The following KIF5C variants were observed in gnomAD, a reference collection of about 807,000 sequenced individuals.
KIF5C encodes kinesin heavy chain isoform 5C.
Under a neutral mutation model 125.2 loss-of-function variants are expected in KIF5C, and 18 were observed. That is an observed-to-expected ratio of 0.14 (90% CI 0.10 to 0.21). The LOEUF is 0.21. Among genes scored for constraint, KIF5C ranks in the 10% least tolerant of loss-of-function variants. KIF5C has a pLI of 1.00. For missense variants in KIF5C, 780 were observed against 1,183.8 expected (o/e 0.66, Z 5.01); for synonymous variants, 405 against 434.0 (o/e 0.93, Z 0.83).
Position 148,922,315 on chromosome 2 carries a change from T to C in KIF5C, c.217+88T>C, listed in dbSNP as rs1013432528. 3.7e-6 allele frequency: 3 copies of C among 819,636 alleles called. No homozygotes were observed. The Admixed American group carries it at 7.8e-5, about 21-fold the overall frequency. 50.8% of individuals were successfully genotyped at this position (819,636 alleles called of 1,614,324 possible). ...TTTGCAGCCTAGGAATCAATGTGCC[T>C]TGACTGTAAGCAGAGGCCTGCTAAT... is the stretch of plus-strand genomic sequence containing the variant. On this transcript the variant is annotated intron_variant, in intron 2 of 25. Transcript: ENST00000435030.
At chr2:148,940,538 G>A (rs556941590) in intron 4 of KIF5C, among the ~76,000 whole-genome samples, 2 of 152,302 alleles carry the variant, frequency 1.3e-5, no homozygotes, top group African/African-American at 4.8e-5. Flanking sequence ...TGCTGGGTTA[G>A]AGTCTTTGCT....
chr2:148,914,599 A>T (rs1262178536), intron 1 of KIF5C, among the ~76,000 whole-genome samples: 3 of 152,210 alleles, frequency 2.0e-5, no homozygotes, highest in Admixed American at 6.5e-5. Flanking sequence ...CCTTCTCAAT[A>T]CGTGAAGTGG....
At chr2:149,017,580 A>G (rs1425864139) in intron 25 of KIF5C, among the ~76,000 whole-genome samples, 2 of 152,190 alleles carry the variant, frequency 1.3e-5, no homozygotes, top group Admixed American at 1.3e-4. Context: ...TCTCCACCAG[A>G]TGGCGCCAGT....
intron 1 of KIF5C, among the ~76,000 whole-genome samples, chr2:148,883,360 G>T (rs535358680): frequency 1.7e-4 from 26 of 152,218 alleles, no homozygotes; most frequent in African/African-American, 5.3e-4. Flanking sequence ...AATTAGCCAG[G>T]CATGGTGGCG....
At chr2:148,927,490 G>A (rs1297671637) in intron 2 of KIF5C, among the ~76,000 whole-genome samples, 1 of 150,486 alleles carries the variant, frequency 6.6e-6, no homozygotes, top group Non-Finnish European at 1.5e-5. Flanking sequence ...TTCAGGGTGT[G>A]TGTGTGTGTG....
intron 1 of KIF5C, among the ~76,000 whole-genome samples, chr2:148,893,502 G>C (rs548908878): frequency 6.6e-6 from 1 of 152,102 alleles, no homozygotes; most frequent in Non-Finnish European, 1.5e-5. Context: ...ACGTTCACTC[G>C]TCCAAGCCTT....
chr2:149,013,414 G>A (rs984997132), intron 25 of KIF5C, among the ~76,000 whole-genome samples: 1 of 152,192 alleles, frequency 6.6e-6, no homozygotes, highest in Non-Finnish European at 1.5e-5. Context: ...CCCATGCAAT[G>A]CTGATGCCTC....
At chr2:148,944,260 C>A (rs1271197051) in intron 7 of KIF5C, among the ~76,000 whole-genome samples, 1 of 152,172 alleles carries the variant, frequency 6.6e-6, no homozygotes, top group Non-Finnish European at 1.5e-5. Flanking sequence ...AATGTCACCA[C>A]CTTCCATCTC....
chr2:149,018,845 CAAAA>C (rs910753313), intron 25 of KIF5C, among the ~76,000 whole-genome samples: 4 of 150,138 alleles, frequency 2.7e-5, no homozygotes, highest in Middle Eastern at 3.2e-3. Flanking sequence ...AAAAAACAAA[CAAAA>C]AAGGATCAAT....
intron 25 of KIF5C, among the ~76,000 whole-genome samples, chr2:149,021,512 A>G (rs1342719498): frequency 1.3e-5 from 2 of 150,886 alleles, no homozygotes; most frequent in African/African-American, 4.9e-5. Context: ...TTTTCTATTT[A>G]TATGTAACTT....
At chr2:148,878,992 A>C (rs868507426) in intron 1 of KIF5C, 1 of 152,070 alleles carries the variant, frequency 6.6e-6, no homozygotes, top group African/African-American at 2.4e-5. Context: ...TTACAGGTGG[A>C]GTTTCTAGAT....
At chr2:148,927,162 C>T (rs1373510373) in intron 2 of KIF5C, among the ~76,000 whole-genome samples, 3 of 152,176 alleles carry the variant, frequency 2.0e-5, no homozygotes, top group African/African-American at 4.8e-5. Flanking sequence ...GTTTCATGAG[C>T]AGCGATGGAG....
chr2:149,020,418 C>T (rs1384280273), intron 25 of KIF5C: 2 of 152,234 alleles, frequency 1.3e-5, no homozygotes, highest in East Asian at 1.9e-4. Flanking sequence ...TCCTTTGTGG[C>T]CCCGTGTTTC....
intron 12 of KIF5C, among the ~76,000 whole-genome samples, chr2:148,975,859 A>T (rs1681048292): frequency 6.6e-6 from 1 of 152,204 alleles, no homozygotes; most frequent in East Asian, 1.9e-4. Flanking sequence ...CTGTTAATTC[A>T]AAAGGCTGTG....
At position 148,998,811 on chromosome 2, in the gene KIF5C, A is replaced by G. The variant is rs57053845; in HGVS notation, c.2210+302A>G. ...ACGCATGCCCCAGTAGATGGGGGGGAGCATCTGTAATGAAAGCACCAAAAA... is the reference window on the plus strand; with the variant it reads ...ACGCATGCCCCAGTAGATGGGGGGGGGCATCTGTAATGAAAGCACCAAAAA... On this transcript the variant is annotated intron_variant, in intron 19 of 25. Coordinates refer to ENST00000435030, the MANE Select transcript of KIF5C (RefSeq NM_004522.3). 0.44 allele frequency: 73,353 copies of G among 165,248 alleles called. 18,801 individuals carry two copies. Among genetic ancestry groups the G allele is most frequent in the South Asian group, 0.57 (2,648 of 4,672 alleles). The allele number at this position is 165,248 out of a possible 1,614,324, so 10.2% of individuals were successfully genotyped here.
chr2:149,024,528 G>C lies in KIF5C; in HGVS notation c.*1458G>C, dbSNP rs1429897509. 7.0e-6 allele frequency: 1 copy of C among 143,228 alleles called. No individual in the cohort carries two copies. Among genetic ancestry groups the C allele is most frequent in the African/African-American group, 2.8e-5 (1 of 35,730 alleles). 8.9% of individuals were successfully genotyped at this position (143,228 alleles called of 1,614,324 possible). A position where few individuals can be genotyped will look rare whatever the true frequency, so the allele number is the denominator to read the frequency against. ...GAAGGTAGCTCAAGTGTGTGTGTGT[G>C]TGTGTGTGTGTGTGTGTGTGTGTGT... On this transcript the variant is annotated 3_prime_UTR_variant, in exon 26 of 26. Coordinates refer to ENST00000435030, the MANE Select transcript of KIF5C (RefSeq NM_004522.3).
chr2:148,975,669 C>A (rs923337961), intron 12 of KIF5C, among the ~76,000 whole-genome samples: 1 of 152,226 alleles, frequency 6.6e-6, no homozygotes, highest in Non-Finnish European at 1.5e-5. Flanking sequence ...CCCGCCAGGG[C>A]TCCAAGCACA....
chr2:148,875,522 C>T lies in KIF5C; in HGVS notation c.-96C>T. The T allele has an allele frequency of 1.9e-6, 2 of 1,061,080 alleles. No individual in the cohort carries two copies. Among genetic ancestry groups the T allele is most frequent in the South Asian group, 1.4e-5 (1 of 69,156 alleles). The allele number at this position is 1,061,080 out of a possible 1,614,324, so 65.7% of individuals were successfully genotyped here. On this transcript the variant is annotated 5_prime_UTR_variant, in exon 1 of 26. Transcript: ENST00000435030. ...GTCGTCGGAGGCTGCAGGAGGCGGCCTAGCTGTGGGCGGTGCAGCTCGCGG... is the reference window on the plus strand; with the variant it reads ...GTCGTCGGAGGCTGCAGGAGGCGGCTTAGCTGTGGGCGGTGCAGCTCGCGG...
At chr2:148,948,940 A>G (rs1682590680) in intron 8 of KIF5C, among the ~76,000 whole-genome samples, 1 of 152,322 alleles carries the variant, frequency 6.6e-6, no homozygotes, top group East Asian at 1.9e-4. Flanking sequence ...AATCTATTCT[A>G]TTTGGAAAGA....
Sources: allele counts gnomAD v4.1 joint callset (sites outside exome capture counted in the v4.1 genomes callset), GRCh38; gene constraint gnomAD v4.1.1; transcripts MANE v1.5; gene names NCBI Gene and HGNC (gene_info 2026-07-23, HGNC 2026-07-21).